The following PCDHA3 variants were observed in gnomAD, a reference collection of about 807,000 sequenced individuals.
The protein encoded by PCDHA3 is protocadherin alpha 3.
Under a neutral mutation model 62.2 loss-of-function variants are expected in PCDHA3, and 41 were observed. The ratio of observed to expected loss-of-function variants is 0.66; its 90% confidence interval spans 0.51 to 0.86. The LOEUF (loss-of-function observed/expected upper bound fraction) is 0.86, where lower values mean the gene tolerates loss of function less well. Ranked by LOEUF, PCDHA3 falls within the 40% of genes least tolerant of loss-of-function variation. The pLI, the probability that PCDHA3 is intolerant of heterozygous loss-of-function variation, is 0.00. For synonymous variants in PCDHA3, 640 were observed against 555.4 expected (o/e 1.15, Z -2.14); for missense variants, 1,304 against 1,241.2 (o/e 1.05, Z -0.76).
intron 1 of PCDHA3, among the ~76,000 whole-genome samples, chr5:140,964,550 C>T (rs13359943): frequency 0.012 from 1,826 of 152,168 alleles, 28 homozygotes; most frequent in African/African-American, 0.042. Flanking sequence ...ATGGCAGCGA[C>T]TTGGAGGGCT....
intron 3 of PCDHA3, among the ~76,000 whole-genome samples, chr5:141,009,289 T>C (rs1474871800): frequency 1.4e-4 from 22 of 152,136 alleles, no homozygotes; most frequent in African/African-American, 5.1e-4. Context: ...ATCCCATTTC[T>C]ATAAAATTTT....
intron 1 of PCDHA3, chr5:140,883,477 C>CTACT: frequency 6.2e-7 from 1 of 1,614,172 alleles, no homozygotes; most frequent in Middle Eastern, 1.7e-4. Context: ...CCTACAAGAA[C>CTACT]TACTACTCAT....
intron 1 of PCDHA3, among the ~76,000 whole-genome samples, chr5:140,875,100 G>C (rs558585314): frequency 6.6e-6 from 1 of 152,124 alleles, no homozygotes; most frequent in Non-Finnish European, 1.5e-5. Context: ...TTGATGTTTT[G>C]TTACTAATAT....
At position 140,832,519 on chromosome 5, in the gene PCDHA3, T is replaced by A. The variant is rs114374646; in HGVS notation, c.2394+28928T>A. 4.8e-3 allele frequency among the ~76,000 whole-genome samples: 727 copies of A among 152,336 alleles called. 10 individuals are homozygous for A. The highest frequency in any genetic ancestry group is 0.017 in the African/African-American group (702 of 41,586). ...GTGGCAGAATTGTCTCTGATTATAC[T>A]GAAGATCACCATTTGTGTAGCTAAT... is the stretch of plus-strand genomic sequence containing the variant. On this transcript the variant is annotated intron_variant, in intron 1 of 3. Coordinates refer to ENST00000522353, the MANE Select transcript of PCDHA3 (RefSeq NM_018906.3).
rs541123870 is a variant in PCDHA3 at position 140,857,278 on chromosome 5, C to T, written c.2394+53687C>T. 4.4e-6 allele frequency: 7 copies of T among 1,598,684 alleles called. No individual in the cohort carries two copies. The South Asian group carries it at 7.7e-5, about 18-fold the overall frequency. On this transcript the variant is annotated intron_variant, in intron 1 of 3. Coordinates refer to ENST00000522353, the MANE Select transcript of PCDHA3 (RefSeq NM_018906.3). ...ATTACTACTCATTGGTGCTGGACAG[C>T]GCTCTGGACCGCGAGAGGGTGTCGG...
At position 141,000,188 on chromosome 5, in the gene PCDHA3, A is replaced by G. The variant is rs182049578; in HGVS notation, c.2543-9439A>G. 8.6e-3 allele frequency among the ~76,000 whole-genome samples: 1,302 copies of G among 151,928 alleles called. 5 individuals carry two copies. Among genetic ancestry groups the G allele is most frequent in the Middle Eastern group, 0.017 (5 of 294 alleles). ...ATTATTGAGCCAAGGAGTCAATGTG[A>G]GAATAGTTTTTCACCTTCATTATCA... is the stretch of plus-strand genomic sequence containing the variant. On this transcript the variant is annotated intron_variant, in intron 3 of 3. Coordinates refer to ENST00000522353, the MANE Select transcript of PCDHA3 (RefSeq NM_018906.3).
At chr5:140,986,398 G>C (rs973049448) in intron 3 of PCDHA3, among the ~76,000 whole-genome samples, 1 of 152,174 alleles carries the variant, frequency 6.6e-6, no homozygotes, top group Non-Finnish European at 1.5e-5. Context: ...AGGGCCAGTC[G>C]CTCATGTTAC....
intron 1 of PCDHA3, among the ~76,000 whole-genome samples, chr5:140,972,920 C>T (rs1343772789): frequency 6.6e-6 from 1 of 152,048 alleles, no homozygotes; most frequent in East Asian, 1.9e-4. Context: ...CCTTGGCCTC[C>T]CAAAGTGCTG....
chr5:140,857,736 C>A (rs1554150585), intron 1 of PCDHA3: 1 of 1,597,364 alleles, frequency 6.3e-7, no homozygotes, highest in Admixed American at 1.7e-5. Flanking sequence ...AACGCTCCCG[C>A]GCTGCTGGCG....
At position 140,857,606 on chromosome 5, in the gene PCDHA3, C is replaced by T. The variant is rs565842920; in HGVS notation, c.2394+54015C>T. The T allele has an allele frequency of 1.2e-4, 191 of 1,596,384 alleles. 13 individuals are homozygous for T. The South Asian group carries it at 2.1e-3, about 17-fold the overall frequency. ...GGAGAGCGGCAAGGTGTACGCGCTG[C>T]AGCCGCTGGACCACGAGGAGCTGGA... On this transcript the variant is annotated intron_variant, in intron 1 of 3. Coordinates refer to ENST00000522353, the MANE Select transcript of PCDHA3 (RefSeq NM_018906.3).
intron 1 of PCDHA3, among the ~76,000 whole-genome samples, chr5:140,907,880 A>G (rs2073662183): frequency 6.6e-6 from 1 of 152,236 alleles, no homozygotes; most frequent in Non-Finnish European, 1.5e-5. Flanking sequence ...GAGCACTCAC[A>G]TGGGATACAA....
rs377441374 is a variant in PCDHA3, at chr5:140,884,065, C to T, written c.2394+80474C>T. The T allele has an allele frequency of 3.7e-6, 6 of 1,613,346 alleles. No individual in the cohort carries two copies. The African/African-American group carries it at 5.3e-5, about 14-fold the overall frequency. ...TGGCGAAGGTGCGCGCGGTGGACGC[C>T]GATTCGGGCTACAATGCGTGGCTTT... is the stretch of plus-strand genomic sequence containing the variant. On this transcript the variant is annotated intron_variant, in intron 1 of 3. Transcript: ENST00000522353.
intron 1 of PCDHA3, chr5:140,865,271 T>C (rs1554159342): frequency 6.6e-6 from 1 of 152,236 alleles, no homozygotes; most frequent in East Asian, 1.9e-4. Flanking sequence ...TCAAATTATA[T>C]GTAAAATTAC....
At chr5:140,865,190 C>T (rs976709711) in intron 1 of PCDHA3, 3 of 152,106 alleles carry the variant, frequency 2.0e-5, no homozygotes, top group Admixed American at 1.3e-4. Flanking sequence ...TGCCTTCACA[C>T]CATATTAATG....
Position 140,805,325 on chromosome 5 carries a change from T to C in PCDHA3, c.2394+1734T>C, listed in dbSNP as rs576956395. 4 of 1,253,514 alleles carry C rather than the reference T, an allele frequency of 3.2e-6. No homozygotes were observed. In the African/African-American group the frequency reaches 6.2e-5, roughly 19 times the overall value. 77.6% of individuals were successfully genotyped at this position (1,253,514 alleles called of 1,614,324 possible). On this transcript the variant is annotated intron_variant, in intron 1 of 3. Transcript: ENST00000522353. Reference sequence around the variant, plus strand: ...TCTTCCTCCTTTTTTCCAATGTGCTTGATGTCAATGATCATTTTGTAAAAA... The same window carrying C: ...TCTTCCTCCTTTTTTCCAATGTGCTCGATGTCAATGATCATTTTGTAAAAA...
chr5:140,826,252 A>G (rs1768870468), intron 1 of PCDHA3, among the ~76,000 whole-genome samples: 1 of 152,224 alleles, frequency 6.6e-6, no homozygotes, highest in African/African-American at 2.4e-5. Context: ...ATCTCTTTAT[A>G]TATCAAGTCT....
rs1554128638 is a variant in PCDHA3, at chr5:140,822,442, G to T, written c.2394+18851G>T. ...TGATGGAGGAAAACCCGAACTAACA[G>T]GTACAGTTCAGTTGTTGATCAATGT... On this transcript the variant is annotated intron_variant, in intron 1 of 3. Transcript: ENST00000522353. 4 of 1,613,740 alleles carry T rather than the reference G, an allele frequency of 2.5e-6. No homozygotes were observed. Among genetic ancestry groups the T allele is most frequent in the Non-Finnish European group, 3.4e-6 (4 of 1,179,806 alleles).
At chr5:140,883,634 G>C (rs782548505) in intron 1 of PCDHA3, 18 of 1,613,174 alleles carry the variant, frequency 1.1e-5, no homozygotes, top group African/African-American at 5.4e-5. Flanking sequence ...GCCGGCGTTC[G>C]CGCAGCCCGA....
intron 1 of PCDHA3, among the ~76,000 whole-genome samples, chr5:140,933,506 G>A (rs2089196836): frequency 6.6e-6 from 1 of 151,944 alleles, no homozygotes; most frequent in Non-Finnish European, 1.5e-5. Flanking sequence ...GTTAAGCAAA[G>A]ACTACAGCTG....
Sources: gnomAD v4.1 joint callset for allele counts (sites outside exome capture counted in the v4.1 genomes callset) on GRCh38, gnomAD v4.1.1 for gene constraint, MANE v1.5 for transcripts, NCBI Gene and HGNC (gene_info 2026-07-23, HGNC 2026-07-21) for gene names.